HMCN2: variants seen among roughly 807,000 people sequenced by gnomAD.
The protein encoded by HMCN2 is hemicentin 2.
Under a neutral mutation model 377.5 loss-of-function variants are expected in HMCN2, and 325 were observed. The ratio of observed to expected loss-of-function variants is 0.86; its 90% CI spans 0.79 to 0.94. The LOEUF (loss-of-function observed/expected upper bound fraction) is 0.94, where lower values mean the gene tolerates loss of function less well. Ranked by LOEUF, HMCN2 falls within the 40% of genes least tolerant of loss-of-function variation. HMCN2 has a pLI of 0.00. For missense variants in HMCN2, 4,543 were observed against 4,725.3 expected (o/e 0.96, Z 1.13); for synonymous variants, 2,007 against 2,046.8 (o/e 0.98, Z 0.53).
chr9:130,333,708 G>A (rs1838556739), intron 22 of HMCN2, among the ~76,000 whole-genome samples: 1 of 152,200 alleles, frequency 6.6e-6, no homozygotes, highest in African/African-American at 2.4e-5. Context: ...CTGGGCTGCA[G>A]CCCCCAAACC....
chr9:130,371,414 G>GGA (rs1554959034), intron 46 of HMCN2, among the ~76,000 whole-genome samples: 17 of 147,084 alleles, frequency 1.2e-4, no homozygotes, highest in African/African-American at 4.1e-4. Context: ...AAGTCCTGCA[G>GGA]AAAAAAAAAA....
In HMCN2 at chr9:130,388,487, T is replaced by C. The variant is rs1184751870; in HGVS notation, c.9470T>C (p.Val3157Ala). 9 of 988,004 alleles carry C rather than the reference T, an allele frequency of 9.1e-6. No individual in the cohort carries two copies. The highest frequency in any genetic ancestry group is 1.1e-5 in the Non-Finnish European group (9 of 830,144). 61.2% of individuals were successfully genotyped at this position (988,004 alleles called of 1,614,324 possible). ...AGSPLVLTCDVSGVPAPTVTW... is the reference protein window; with the variant it reads ...AGSPLVLTCDASGVPAPTVTW... The stretch of plus-strand genomic sequence containing the variant: ...AGCCCCCTGGTCCTGACCTGTGATG[T>C]GTCCGGGGTCCCTGCACCCACGGTC... The change falls in exon 62 of 98, where the codon GTG (valine) becomes GCG (alanine). Residue 3157 changes from valine to alanine, a missense_variant. By Grantham distance (64) the Val-to-Ala change is moderately conservative. Coordinates refer to ENST00000683500, the MANE Select transcript of HMCN2 (RefSeq NM_001291815.2).
rs564198365 is a variant in HMCN2, at chr9:130,272,403, G to A, written c.259+6266G>A. On this transcript the variant is annotated intron_variant, in intron 1 of 97. Coordinates refer to ENST00000683500, the MANE Select transcript of HMCN2 (RefSeq NM_001291815.2). ...TTACAGATGTGTGCCACCATGCCTA[G>A]CTAATTTTTGTATTTTTAGTAGAGA... Among the ~76,000 whole-genome samples the A allele has an allele frequency of 7.5e-5, 11 of 145,882 alleles. 1 individual carries two copies. The South Asian group carries it at 2.5e-3, about 33-fold the overall frequency.
chr9:130,396,417 A>G, intron 73 of HMCN2, 104 bp downstream of exon 73: 1 of 962,168 alleles, frequency 1.0e-6, no homozygotes, highest in Non-Finnish European at 1.4e-6. Context: ...TGACTTTATC[A>G]TCAGGACGTG....
chr9:130,267,477 C>CGT (rs1491544800), intron 1 of HMCN2, among the ~76,000 whole-genome samples: 1 of 133,034 alleles, frequency 7.5e-6, no homozygotes, highest in South Asian at 2.4e-4. Context: ...CACACACACA[C>CGT]GCACAGATTC....
chr9:130,292,591 A>G (rs1835845223), intron 4 of HMCN2, among the ~76,000 whole-genome samples: 1 of 152,118 alleles, frequency 6.6e-6, no homozygotes, highest in Admixed American at 6.6e-5. Context: ...TACTGTTTTG[A>G]ATTTTGCTTT....
intron 36 of HMCN2, 95 bp from the exon 37 acceptor site, chr9:130,359,224 A>G (rs376207091): frequency 3.9e-5 from 22 of 557,612 alleles, no homozygotes; most frequent in African/African-American, 2.6e-4. Flanking sequence ...AGGATTTTCT[A>G]TGGGGAGCAG....
chr9:130,433,968 G>C lies in HMCN2; in HGVS notation c.*275G>C, dbSNP rs1844934276. The C allele has an allele frequency of 5.3e-6, 2 of 376,134 alleles. No homozygotes were observed. The highest frequency in any genetic ancestry group is 9.4e-6 in the Non-Finnish European group (2 of 212,076). The allele number at this position is 376,134 out of a possible 1,614,324, so 23.3% of individuals were successfully genotyped here. Reference sequence around the variant, plus strand: ...CGGATCAGACCTCCAGGTCTGATCCGCCCCTCAGTGGGAGCGGGACAGGGA... The same window carrying C: ...CGGATCAGACCTCCAGGTCTGATCCCCCCCTCAGTGGGAGCGGGACAGGGA... On this transcript the variant is annotated 3_prime_UTR_variant, in exon 98 of 98. Coordinates refer to ENST00000683500, the MANE Select transcript of HMCN2 (RefSeq NM_001291815.2).
At chr9:130,427,879 T>G (rs1006075750) in intron 92 of HMCN2, among the ~76,000 whole-genome samples, 1 of 152,160 alleles carries the variant, frequency 6.6e-6, no homozygotes, top group South Asian at 2.1e-4. Context: ...CGGCTACACA[T>G]GCTCACCGCA....
intron 84 of HMCN2, 32 bp from the exon 85 acceptor site, chr9:130,410,539 C>T (rs1024817062): frequency 5.2e-6 from 8 of 1,543,614 alleles, no homozygotes; most frequent in Non-Finnish European, 6.1e-6. Flanking sequence ...CTTCTCTGAG[C>T]ACCATGCCTC....
chr9:130,374,596 G>T lies in HMCN2; in HGVS notation c.7533G>T (p.Gln2511His). The part of the protein sequence containing the change: ...HHISPDGVLL[Q>H]VLQANLSSAG... ...TCTCCCCAGACGGAGTCCTCCTGCAGGTCCTCCAGGCAAACCTGTCCAGTG... is the reference window on the plus strand; with the variant it reads ...TCTCCCCAGACGGAGTCCTCCTGCATGTCCTCCAGGCAAACCTGTCCAGTG... Residue 2511 changes from glutamine to histidine, a missense_variant, in exon 49 of 98, where the codon CAG becomes CAT. Around this residue, in one of 5 missense-constraint regions of HMCN2, gnomAD observed 736 missense variants for 773.2 expected, o/e 0.95. Coordinates refer to ENST00000683500, the MANE Select transcript of HMCN2 (RefSeq NM_001291815.2). 3.0e-6 allele frequency: 3 copies of T among 985,786 alleles called. No homozygotes were observed. Among genetic ancestry groups the T allele is most frequent in the Non-Finnish European group, 3.6e-6 (3 of 829,942 alleles). The allele number at this position is 985,786 out of a possible 1,614,324, so 61.1% of individuals were successfully genotyped here. A position where few individuals can be genotyped will look rare whatever the true frequency, so the allele number is the denominator to read the frequency against.
chr9:130,406,496 C>G, intron 82 of HMCN2: 1 of 276,552 alleles, frequency 3.6e-6, no homozygotes, highest in Non-Finnish European at 7.2e-6. Flanking sequence ...TTGCTGGGGG[C>G]CCGTGGGGAC....
At chr9:130,355,604 C>T in intron 32 of HMCN2, 142 bp from the exon 33 acceptor site, 1 of 445,574 alleles carries the variant, frequency 2.2e-6, no homozygotes, top group Non-Finnish European at 4.4e-6. Flanking sequence ...CCCTGGAAGG[C>T]CTCCTGGAGG....
chr9:130,337,105 G>T (rs1838793425), intron 22 of HMCN2, among the ~76,000 whole-genome samples: 1 of 152,166 alleles, frequency 6.6e-6, no homozygotes, highest in Non-Finnish European at 1.5e-5. Context: ...ATTTTATGGA[G>T]GCAGGAGCTG....
intron 1 of HMCN2, among the ~76,000 whole-genome samples, chr9:130,267,841 G>A (rs1834207403): frequency 6.6e-6 from 1 of 152,192 alleles, no homozygotes; most frequent in Non-Finnish European, 1.5e-5. Context: ...GTGAGGAGGT[G>A]GGCTGTGAAG....
intron 6 of HMCN2, among the ~76,000 whole-genome samples, chr9:130,296,070 AG>A (rs1554931959): frequency 1.3e-5 from 2 of 152,346 alleles, no homozygotes; most frequent in East Asian, 1.9e-4. Context: ...GTGTAAAAGA[AG>A]CAACAGCAAC....
At chr9:130,342,325 G>GT (rs1280646038) in intron 24 of HMCN2, 25 bp from the exon 25 acceptor site, 2 of 152,306 alleles carry the variant, frequency 1.3e-5, no homozygotes, top group Non-Finnish European at 2.9e-5. Flanking sequence ...CGAGGTAGGA[G>GT]TGTGGCCATG....
In HMCN2 at chr9:130,361,909, C is replaced by A; in HGVS notation, c.5951-99C>A. 2 of 785,364 alleles carry A rather than the reference C, an allele frequency of 2.5e-6. No individual in the cohort carries two copies. Among genetic ancestry groups the A allele is most frequent in the Non-Finnish European group, 3.1e-6 (2 of 647,048 alleles). The allele number at this position is 785,364 out of a possible 1,614,324, so 48.6% of individuals were successfully genotyped here. On this transcript the variant is annotated intron_variant, in intron 38 of 97. Coordinates refer to ENST00000683500, the MANE Select transcript of HMCN2 (RefSeq NM_001291815.2). This position sits in a 1 kb window ranked among gnomAD's most constrained non-coding sequence, Gnocchi z 4.8. ...CTGGATGGCTGTCCTTGTGCTTTTG[C>A]TGTGGCTGTGTGCTCCTGCAGGGGT...
chr9:130,300,785 C>T (rs1836461256), intron 8 of HMCN2, among the ~76,000 whole-genome samples: 2 of 152,176 alleles, frequency 1.3e-5, no homozygotes, highest in African/African-American at 4.8e-5. Context: ...CCTGTGTGTC[C>T]CTGAGGTCTC....
Sources: gnomAD v4.1 joint callset for allele counts (sites outside exome capture counted in the v4.1 genomes callset) on GRCh38, gnomAD v4.1.1 for gene constraint, gnomAD v4.1.1 regional missense constraint, Gnocchi (gnomAD v3.1) non-coding constraint, MANE v1.5 for transcripts, NCBI Gene and HGNC (gene_info 2026-07-23, HGNC 2026-07-21) for gene names.